CEP290: variants seen among roughly 807,000 people sequenced by gnomAD.
The protein encoded by CEP290 is centrosomal protein 290, also known as centrosomal protein of 290 kDa.
A neutral mutation model predicts 344.9 loss-of-function variants in CEP290; 317 were observed. That is an observed-to-expected ratio of 0.92 (90% CI 0.84 to 1.01). CEP290 has a LOEUF of 1.01. CEP290 is among the 50% of genes least tolerant of loss of function. The probability of loss-of-function intolerance (pLI) is 0.00; values close to 1 mark genes in which losing one functional copy is unlikely to be tolerated. For missense variants in CEP290, 2,754 were observed against 2,761.4 expected, an observed-to-expected ratio of 1.00 and a Z score of 0.06; for synonymous variants, 932 against 895.8, an observed-to-expected ratio of 1.04 and a Z score of -0.72.
intron 1 of CEP290, 60 bp from the exon 2 acceptor site, chr12:88,141,394 G>A: frequency 1.3e-6 from 1 of 786,300 alleles, no homozygotes; most frequent in Non-Finnish European, 1.9e-6. Flanking sequence ...TGGTTTTCTA[G>A]CACCTTACAT....
chr12:88,132,136 T>C (rs1396497765), intron 6 of CEP290, among the ~76,000 whole-genome samples: 1 of 152,218 alleles, frequency 6.6e-6, no homozygotes, highest in Non-Finnish European at 1.5e-5. Flanking sequence ...CAGCATTCTC[T>C]TATCTACATA....
At chr12:88,139,648 T>A in intron 3 of CEP290, 84 bp from the exon 4 acceptor site, 1 of 989,790 alleles carries the variant, frequency 1.0e-6, no homozygotes. Context: ...TTATTTGTTA[T>A]GATCCTTAGT....
intron 23 of CEP290, among the ~76,000 whole-genome samples, chr12:88,107,730 C>T (rs1436381699): frequency 1.3e-5 from 2 of 151,724 alleles, no homozygotes; most frequent in African/African-American, 2.4e-5. Flanking sequence ...GGCAAAACTC[C>T]GTCTTTACCA....
chr12:88,083,978 A>G (rs1385176052), intron 35 of CEP290, 24 bp from the exon 36 acceptor site: 2 of 1,386,068 alleles, frequency 1.4e-6, no homozygotes, highest in Non-Finnish European at 2.0e-6. Flanking sequence ...AATCGAAACT[A>G]TATCTTAAAT....
Position 88,086,378 on chromosome 12 carries a change from T to G in CEP290, c.4302+13A>C. Reference sequence around the variant, plus strand: ...TATGCTACAGAGTAACAAACAAGATTAATCATTCATACCTTTTGTGCCGCA... The same window carrying G: ...TATGCTACAGAGTAACAAACAAGATGAATCATTCATACCTTTTGTGCCGCA... On this transcript the variant is annotated intron_variant, in intron 33 of 53. Coordinates refer to ENST00000552810, the MANE Select transcript of CEP290 (RefSeq NM_025114.4). 6.4e-7 allele frequency: 1 copy of G among 1,563,948 alleles called. No individual in the cohort carries two copies. The highest frequency in any genetic ancestry group is 8.7e-7 in the Non-Finnish European group (1 of 1,151,016).
intron 11 of CEP290, among the ~76,000 whole-genome samples, chr12:88,127,242 C>G (rs145699572): frequency 0.014 from 2,077 of 152,248 alleles, 49 homozygotes; most frequent in African/African-American, 0.047. Context: ...AATTCCAGCA[C>G]TTTGGGAGGC....
Position 88,129,894 on chromosome 12 carries a change from A to G in CEP290, c.670-18T>C, listed in dbSNP as rs2039962056. 1 of 1,352,482 alleles carries G rather than the reference A, an allele frequency of 7.4e-7. No homozygotes were observed. Among genetic ancestry groups the G allele is most frequent in the Admixed American group, 3.4e-5 (1 of 29,254 alleles). 83.8% of individuals were successfully genotyped at this position (1,352,482 alleles called of 1,614,324 possible). On this transcript the variant is annotated intron_variant, in intron 9 of 53. Coordinates refer to ENST00000552810, the MANE Select transcript of CEP290 (RefSeq NM_025114.4). ...GTTAAAGTCTAAAAAAGTTAAAGAC[A>G]CTATAATTAAAAAGTAATTTTAAAA... is the stretch of plus-strand genomic sequence containing the variant.
intron 28 of CEP290, 104 bp from the exon 29 acceptor site, chr12:88,092,936 T>A: frequency 9.8e-7 from 1 of 1,025,268 alleles, no homozygotes; most frequent in Admixed American, 2.2e-5. Context: ...TTGGCCTTAG[T>A]TCACATATTA....
At chr12:88,136,898 G>T in intron 5 of CEP290, 112 bp from the exon 6 acceptor site, 2 of 942,786 alleles carry the variant, frequency 2.1e-6, no homozygotes, top group Non-Finnish European at 3.2e-6. Flanking sequence ...ATACTTCAGT[G>T]CAGATATTTA....
intron 20 of CEP290, among the ~76,000 whole-genome samples, chr12:88,112,865 G>A (rs1271101479): frequency 6.6e-6 from 1 of 152,086 alleles, no homozygotes; most frequent in Admixed American, 6.6e-5. Context: ...CAACAAGGTG[G>A]TCTAGTTAGT....
At chr12:88,134,266 C>G (rs1189725007) in intron 6 of CEP290, among the ~76,000 whole-genome samples, 2 of 152,214 alleles carry the variant, frequency 1.3e-5, no homozygotes, top group Non-Finnish European at 2.9e-5. Flanking sequence ...TCTCCATCCT[C>G]CCTCTCCTCC....
intron 6 of CEP290, among the ~76,000 whole-genome samples, chr12:88,134,644 G>A (rs1236629215): frequency 1.3e-5 from 2 of 152,066 alleles, no homozygotes; most frequent in African/African-American, 4.8e-5. Context: ...TGCAACCATG[G>A]GCAATTACTC....
At chr12:88,132,512 C>A (rs1474849591) in intron 6 of CEP290, among the ~76,000 whole-genome samples, 1 of 152,154 alleles carries the variant, frequency 6.6e-6, no homozygotes, top group African/African-American at 2.4e-5. Context: ...AGGAGAACAT[C>A]TTTCTTTTTC....
intron 5 of CEP290, among the ~76,000 whole-genome samples, chr12:88,137,304 T>C (rs914872081): frequency 6.6e-6 from 1 of 152,246 alleles, no homozygotes; most frequent in Admixed American, 6.5e-5. Context: ...GTGTGGCTAG[T>C]GCAACTGAAG....
In CEP290 at chr12:88,080,480, A is replaced by C. The variant is rs892464083; in HGVS notation, c.5013-85T>G. ...AGTCTCACTCTGTCACCCAGGCTGG[A>C]GTGCAGCAGCGCAATCTCGGCTGAC... On this transcript the variant is annotated intron_variant, in intron 37 of 53. Transcript: ENST00000552810. 3.1e-6 allele frequency: 3 copies of C among 982,944 alleles called. No individual in the cohort carries two copies. In the East Asian group the frequency reaches 7.6e-5, roughly 25 times the overall value. The allele number at this position is 982,944 out of a possible 1,614,324, so 60.9% of individuals were successfully genotyped here.
rs1565827241 is a variant in CEP290, at chr12:88,080,265, T to G, written c.5143A>C (p.Asn1715His). ...ATTGTAGTTGTTGGAGCTCTTGAATTTGCTTCTTTTTGAGCCTGAAGTTCA... is the reference window on the plus strand; with the variant it reads ...ATTGTAGTTGTTGGAGCTCTTGAATGTGCTTCTTTTTGAGCCTGAAGTTCA... ...KSELQAQKEA[N>H]SRAPTTTMRN... is the part of the protein sequence containing the mutation. Residue 1715 changes from asparagine to histidine, a missense_variant, in exon 38 of 54, where the codon AAT becomes CAT. By Grantham distance (68) the Asn-to-His change is moderately conservative (BLOSUM62 1). Transcript: ENST00000552810. 1 of 1,613,810 alleles carries G rather than the reference T, an allele frequency of 6.2e-7. No homozygotes were observed. The highest frequency in any genetic ancestry group is 8.5e-7 in the Non-Finnish European group (1 of 1,179,802).
chr12:88,107,198 AC>A, intron 23 of CEP290, 100 bp from the exon 24 acceptor site: 1 of 677,330 alleles, frequency 1.5e-6, no homozygotes, highest in East Asian at 3.0e-5. Flanking sequence ...TTTTCTCAAC[AC>A]AAGAGGTATC....
chr12:88,060,934 C>CT lies in CEP290; in HGVS notation c.6417dup (p.Val2140SerfsTer3), dbSNP rs1225676118. On this transcript the variant is annotated frameshift_variant, in exon 47 of 54. Coordinates refer to ENST00000552810, the MANE Select transcript of CEP290 (RefSeq NM_025114.4). LOFTEE classifies it high-confidence loss of function. ...TTTTCTCTCTGGACTTTTTCAACTACTTTTTTCATTAAACCAATGGTTTTT... is the reference window on the plus strand; with the variant it reads ...TTTTCTCTCTGGACTTTTTCAACTACTTTTTTTCATTAAACCAATGGTTTTT... The CT allele has an allele frequency of 1.9e-6, 3 of 1,559,130 alleles. No homozygotes were observed. The highest frequency in any genetic ancestry group is 2.4e-5 in the South Asian group (2 of 83,686).
intron 44 of CEP290, among the ~76,000 whole-genome samples, chr12:88,067,214 T>C (rs952212059): frequency 7.0e-6 from 1 of 143,060 alleles, no homozygotes; most frequent in Non-Finnish European, 1.5e-5. Flanking sequence ...ACACCAATTG[T>C]AAAAAAAAAA....
Sources: allele counts gnomAD v4.1 joint callset (sites outside exome capture counted in the v4.1 genomes callset), GRCh38; gene constraint gnomAD v4.1.1; transcripts MANE v1.5; gene names NCBI Gene and HGNC (gene_info 2026-07-23, HGNC 2026-07-21).